CCSER1: variants seen among roughly 807,000 people sequenced by gnomAD.
CCSER1 encodes the protein coiled-coil serine rich protein 1.
CCSER1 carries 41 observed loss-of-function variants against 82.0 expected under a neutral mutation model. The observed-to-expected ratio is 0.50, with a 90% CI of 0.39 to 0.65. The LOEUF is 0.65. Among genes scored for constraint, CCSER1 ranks in the 30% least tolerant of loss-of-function variants. CCSER1 has a pLI of 0.00. For missense variants in CCSER1, 1,119 were observed against 1,064.2 expected (o/e 1.05, Z -0.72); for synonymous variants, 414 against 383.9 (o/e 1.08, Z -0.92).
At chr4:90,400,223 CT>C in intron 4 of CCSER1, 94 bp downstream of exon 4, 1 of 516,132 alleles carries the variant, frequency 1.9e-6, no homozygotes, top group Non-Finnish European at 3.3e-6. Flanking sequence ...TGCCTTCTAT[CT>C]TTTCAGGCCT....
At chr4:90,198,573 G>C (rs923586145) in intron 1 of CCSER1, among the ~76,000 whole-genome samples, 2 of 152,028 alleles carry the variant, frequency 1.3e-5, no homozygotes, top group Admixed American at 1.3e-4. Flanking sequence ...GAAATTTTAG[G>C]TGAACTTCAT....
intron 9 of CCSER1, among the ~76,000 whole-genome samples, chr4:90,939,115 G>T (rs1043559513): frequency 1.3e-5 from 2 of 152,028 alleles, no homozygotes; most frequent in African/African-American, 4.8e-5. Context: ...ATTCTTTGTA[G>T]ATTAGATCAG....
chr4:91,063,409 T>C (rs775903544), intron 9 of CCSER1, among the ~76,000 whole-genome samples: 13 of 152,186 alleles, frequency 8.5e-5, no homozygotes, highest in Admixed American at 1.3e-4. Flanking sequence ...ATTACTATTG[T>C]CATCATCATT....
intron 7 of CCSER1, among the ~76,000 whole-genome samples, chr4:90,804,450 A>G (rs112295351): frequency 0.02 from 3,043 of 152,130 alleles, 82 homozygotes; most frequent in African/African-American, 0.063. Context: ...AGTTTTCCCA[A>G]CAACATTTAT....
rs1733824599 is a variant in CCSER1 at position 90,182,047 on chromosome 4, AAAG to A, written c.-42+54222_-42+54224del. Among the ~76,000 whole-genome samples the A allele has an allele frequency of 3.3e-5, 5 of 152,312 alleles. No individual in the cohort carries two copies. The South Asian group carries it at 1.0e-3, about 32-fold the overall frequency. On this transcript the variant is annotated intron_variant, in intron 1 of 10. Transcript: ENST00000509176. ...GGGCACAGTTAATTTGTGTGGAGGA[AAAG>A]AAGAATGATTTGATGCTCAGATGTT...
chr4:90,716,401 G>A (rs1186468580), intron 6 of CCSER1, among the ~76,000 whole-genome samples: 1 of 151,928 alleles, frequency 6.6e-6, no homozygotes, highest in Non-Finnish European at 1.5e-5. Flanking sequence ...CAAAAATGTA[G>A]AAAGTAATAA....
At chr4:91,383,896 A>G (rs1453105890) in intron 10 of CCSER1, among the ~76,000 whole-genome samples, 1 of 152,184 alleles carries the variant, frequency 6.6e-6, no homozygotes, top group Non-Finnish European at 1.5e-5. Flanking sequence ...GTAAACCACA[A>G]AAAAGACAAA....
At chr4:91,403,293 G>T (rs1202864224) in intron 10 of CCSER1, among the ~76,000 whole-genome samples, 1 of 152,116 alleles carries the variant, frequency 6.6e-6, no homozygotes, top group Non-Finnish European at 1.5e-5. Flanking sequence ...AGGAGATTTT[G>T]GGCTGAGATG....
chr4:90,496,783 C>G (rs949414400), intron 5 of CCSER1, among the ~76,000 whole-genome samples: 30 of 151,868 alleles, frequency 2.0e-4, no homozygotes, highest in African/African-American at 7.3e-4. Flanking sequence ...TCAAGACCAT[C>G]CTGGCCAACA....
intron 5 of CCSER1, among the ~76,000 whole-genome samples, chr4:90,588,194 T>C (rs967898662): frequency 6.6e-5 from 10 of 152,188 alleles, no homozygotes; most frequent in South Asian, 2.1e-4. Context: ...AAGCATCAAG[T>C]TTCCACCCTG....
At chr4:90,965,871 G>A (rs545763057) in intron 9 of CCSER1, among the ~76,000 whole-genome samples, 1 of 152,150 alleles carries the variant, frequency 6.6e-6, no homozygotes, top group African/African-American at 2.4e-5. Flanking sequence ...AGAACTAAAC[G>A]AAAGTGCTTT....
chr4:90,266,529 C>T (rs529094065), intron 1 of CCSER1, among the ~76,000 whole-genome samples: 10 of 151,840 alleles, frequency 6.6e-5, no homozygotes, highest in South Asian at 2.1e-4. Context: ...CATCCTAGTA[C>T]GTGGTTTTAA....
intron 10 of CCSER1, among the ~76,000 whole-genome samples, chr4:91,094,066 C>T (rs536562665): frequency 6.6e-6 from 1 of 152,310 alleles, no homozygotes; most frequent in South Asian, 2.1e-4. Context: ...TCTTGGACAT[C>T]TTATACTCAC....
intron 10 of CCSER1, among the ~76,000 whole-genome samples, chr4:91,343,811 C>A (rs1747878717): frequency 6.6e-6 from 1 of 152,136 alleles, no homozygotes; most frequent in African/African-American, 2.4e-5. Flanking sequence ...GGTCTGTTTT[C>A]ATGGTATTTA....
chr4:90,156,213 T>C (rs142336232), intron 1 of CCSER1, among the ~76,000 whole-genome samples: 3,052 of 152,312 alleles, frequency 0.02, 87 homozygotes, highest in African/African-American at 0.066. Context: ...TGAGTTCTAG[T>C]TTGATTGCAC....
At chr4:90,985,302 G>C (rs1736490417) in intron 9 of CCSER1, among the ~76,000 whole-genome samples, 1 of 151,326 alleles carries the variant, frequency 6.6e-6, no homozygotes, top group African/African-American at 2.4e-5. Flanking sequence ...CTCTGTTGAA[G>C]TGATAGGCTT....
Position 90,179,006 on chromosome 4 carries a change from C to T in CCSER1, c.-42+51175C>T, listed in dbSNP as rs151322021. Reference sequence around the variant, plus strand: ...ATACATATATGCACAAAAACACACACCATACATCCTCAGGGAGATTGTTTT... The same window carrying T: ...ATACATATATGCACAAAAACACACATCATACATCCTCAGGGAGATTGTTTT... On this transcript the variant is annotated intron_variant, in intron 1 of 10. Coordinates refer to ENST00000509176, the MANE Select transcript of CCSER1 (RefSeq NM_001145065.2). Among the ~76,000 whole-genome samples the T allele has an allele frequency of 4.7e-3, 709 of 152,188 alleles. 9 individuals carry two copies. Among genetic ancestry groups the T allele is most frequent in the Admixed American group, 0.026 (394 of 15,268 alleles).
At chr4:91,577,174 G>A (rs565921308) in intron 10 of CCSER1, among the ~76,000 whole-genome samples, 1 of 151,742 alleles carries the variant, frequency 6.6e-6, no homozygotes, top group South Asian at 2.1e-4. Context: ...TTTAAATGTG[G>A]TTTCCTCTGA....
At chr4:90,476,623 A>G (rs961059814) in intron 5 of CCSER1, among the ~76,000 whole-genome samples, 26 of 152,208 alleles carry the variant, frequency 1.7e-4, no homozygotes, top group African/African-American at 5.1e-4. Context: ...ATATTGAAAA[A>G]AACTAAAGAA....
Sources: gnomAD v4.1 joint callset for allele counts (sites outside exome capture counted in the v4.1 genomes callset) on GRCh38, gnomAD v4.1.1 for gene constraint, MANE v1.5 for transcripts, NCBI Gene and HGNC (gene_info 2026-07-23, HGNC 2026-07-21) for gene names.